AP3S2: variants seen among roughly 807,000 people sequenced by gnomAD.
AP3S2 encodes the protein adaptor related protein complex 3 subunit sigma 2.
AP3S2 carries 22 observed loss-of-function variants against 23.4 expected under a neutral mutation model. That is an observed-to-expected ratio of 0.94 (90% CI 0.67 to 1.34). The LOEUF (loss-of-function observed/expected upper bound fraction) is 1.34. Ranked by LOEUF, AP3S2 falls within the 40% of genes most tolerant of loss-of-function variation. The pLI is 0.00. For synonymous variants in AP3S2, 86 were observed against 87.1 expected (o/e 0.99, Z 0.07); for missense variants, 241 against 236.9 (o/e 1.02, Z -0.11).
intron 3 of AP3S2, among the ~76,000 whole-genome samples, chr15:89,874,233 C>T (rs1896389599): frequency 6.6e-6 from 1 of 151,504 alleles, no homozygotes; most frequent in Non-Finnish European, 1.5e-5. Context: ...TAGAGGTTTT[C>T]CGCAGATGTC....
intron 3 of AP3S2, among the ~76,000 whole-genome samples, chr15:89,881,136 A>G (rs1351259111): frequency 6.6e-6 from 1 of 152,214 alleles, no homozygotes; most frequent in Non-Finnish European, 1.5e-5. Context: ...ACAAGTATAA[A>G]GGCCCAGACA....
At chr15:89,867,964 A>G (rs1351757027) in intron 4 of AP3S2, among the ~76,000 whole-genome samples, 3 of 146,156 alleles carry the variant, frequency 2.1e-5, no homozygotes, top group Admixed American at 6.7e-5. Context: ...CCATCCGGCC[A>G]GCCGTGCCAT....
intron 3 of AP3S2, chr15:89,883,952 T>C (rs901686764): frequency 6.6e-6 from 1 of 152,408 alleles, no homozygotes; most frequent in African/African-American, 2.4e-5. Flanking sequence ...TTTCAGGTTT[T>C]GGACTTTCAG....
chr15:89,839,497 A>G (rs1234721643), intron 4 of AP3S2, among the ~76,000 whole-genome samples: 1 of 152,264 alleles, frequency 6.6e-6, no homozygotes, highest in Non-Finnish European at 1.5e-5. Flanking sequence ...TCATATTTAG[A>G]TAATTTACAA....
At chr15:89,884,547 C>T (rs1241303892) in intron 3 of AP3S2, among the ~76,000 whole-genome samples, 1 of 152,026 alleles carries the variant, frequency 6.6e-6, no homozygotes, top group Non-Finnish European at 1.5e-5. Context: ...AAAAAAAAGG[C>T]AGGTCTCACA....
intron 4 of AP3S2, among the ~76,000 whole-genome samples, chr15:89,858,519 GAGAGAGAA>G (rs1198679243): frequency 0.021 from 920 of 43,722 alleles, 4 homozygotes; most frequent in Middle Eastern, 0.056. Flanking sequence ...GAGAGAGAGA[GAGAGAGAA>G]AGAAAGAAAG....
chr15:89,851,573 G>A (rs1895655816), intron 4 of AP3S2, among the ~76,000 whole-genome samples: 1 of 152,096 alleles, frequency 6.6e-6, no homozygotes, highest in Non-Finnish European at 1.5e-5. Context: ...TCCTGACCTT[G>A]TGATCTGCCC....
intron 1 of AP3S2, 140 bp from the exon 2 acceptor site, chr15:89,889,280 G>T: frequency 1.1e-6 from 1 of 901,416 alleles, no homozygotes. Context: ...TGATAAAAAT[G>T]ATGAGAAAAA....
At chr15:89,892,394 G>C (rs1453594315) in intron 1 of AP3S2, among the ~76,000 whole-genome samples, 1 of 152,110 alleles carries the variant, frequency 6.6e-6, no homozygotes, top group African/African-American at 2.4e-5. Flanking sequence ...AACTGGGGCC[G>C]GACACAGTGG....
intron 4 of AP3S2, among the ~76,000 whole-genome samples, chr15:89,858,954 C>A (rs961481679): frequency 2.0e-5 from 3 of 152,030 alleles, no homozygotes; most frequent in Non-Finnish European, 4.4e-5. Context: ...GTAAGGAAAG[C>A]GAGTGTGTAT....
intron 4 of AP3S2, among the ~76,000 whole-genome samples, chr15:89,867,252 G>A (rs1244092179): frequency 6.7e-6 from 1 of 150,172 alleles, no homozygotes; most frequent in Non-Finnish European, 1.5e-5. Context: ...AACCGCGAGT[G>A]ATCCGCCAGC....
chr15:89,857,132 T>G (rs7169019), intron 4 of AP3S2, among the ~76,000 whole-genome samples: 71,686 of 151,824 alleles, frequency 0.47, 17,203 homozygotes, highest in East Asian at 0.62. Context: ...TCATCAAAAG[T>G]AAAAACTGGG....
intron 4 of AP3S2, among the ~76,000 whole-genome samples, chr15:89,867,771 C>T (rs1223164800): frequency 7.2e-6 from 1 of 138,172 alleles, no homozygotes; most frequent in Non-Finnish European, 1.6e-5. Flanking sequence ...AGACCCTCTG[C>T]CTGGCAACCA....
intron 3 of AP3S2, chr15:89,876,931 C>T: frequency 4.7e-6 from 1 of 212,498 alleles, no homozygotes; most frequent in Non-Finnish European, 9.6e-6. Flanking sequence ...ACAGCTTTGG[C>T]AGAGACAGAA....
intron 4 of AP3S2, among the ~76,000 whole-genome samples, chr15:89,868,975 C>T (rs1299035964): frequency 1.9e-4 from 27 of 140,994 alleles, no homozygotes; most frequent in South Asian, 4.6e-4. Context: ...CCCGGCCAGC[C>T]GCCCCGTCCG....
intron 3 of AP3S2, among the ~76,000 whole-genome samples, chr15:89,879,558 G>A (rs909727602): frequency 6.6e-6 from 1 of 152,142 alleles, no homozygotes; most frequent in Non-Finnish European, 1.5e-5. Context: ...GAACTTAAAT[G>A]ATGAAAAAGA....
intron 4 of AP3S2, among the ~76,000 whole-genome samples, chr15:89,841,740 AAC>A (rs1304858710): frequency 6.6e-6 from 1 of 152,192 alleles, no homozygotes; most frequent in East Asian, 1.9e-4. Context: ...GCTAGCCCAG[AAC>A]AGAGTTTTGG....
intron 3 of AP3S2, among the ~76,000 whole-genome samples, chr15:89,886,208 G>A (rs1032308886): frequency 6.6e-6 from 1 of 152,038 alleles, no homozygotes; most frequent in Non-Finnish European, 1.5e-5. Context: ...AATTAGCTGG[G>A]CATGTGCCTG....
intron 4 of AP3S2, among the ~76,000 whole-genome samples, chr15:89,862,488 CA>C (rs1287094595): frequency 3.3e-5 from 5 of 151,754 alleles, no homozygotes; most frequent in Non-Finnish European, 7.4e-5. Flanking sequence ...CAAAATCGTT[CA>C]GGAAAAAAAG....
Sources: allele counts gnomAD v4.1 joint callset (sites outside exome capture counted in the v4.1 genomes callset), GRCh38; gene constraint gnomAD v4.1.1; transcripts MANE v1.5; gene names NCBI Gene and HGNC (gene_info 2026-07-23, HGNC 2026-07-21).